Variants in TG observed in about 807,000 individuals in gnomAD.
TG encodes thyroid hormones.
A neutral mutation model predicts 324.7 loss-of-function variants in TG; 270 were observed. The ratio of observed to expected loss-of-function variants is 0.83; its 90% confidence interval spans 0.75 to 0.92. The LOEUF (loss-of-function observed/expected upper bound fraction) is 0.92. Among genes scored for constraint, TG ranks in the 40% least tolerant of loss-of-function variants. The pLI, the probability that TG is intolerant of heterozygous loss-of-function variation, is 0.00. For missense variants in TG, 3,591 were observed against 3,456.4 expected (o/e 1.04, Z -0.98); for synonymous variants, 1,401 against 1,327.0 (o/e 1.06, Z -1.21).
chr8:132,912,529 C>T (rs193154456), intron 19 of TG, among the ~76,000 whole-genome samples: 41 of 152,206 alleles, frequency 2.7e-4, no homozygotes, highest in Admixed American at 2.4e-3. Context: ...GGAGACCTCT[C>T]GGTGTTTAGC....
intron 45 of TG, among the ~76,000 whole-genome samples, chr8:133,130,979 C>A (rs1309503878): frequency 4.6e-5 from 7 of 152,172 alleles, no homozygotes; most frequent in Non-Finnish European, 8.8e-5. Flanking sequence ...CTGTCGCCAC[C>A]GCAGAGGGAG....
chr8:132,929,029 C>T, intron 22 of TG, 47 bp from the exon 23 acceptor site: 2 of 1,496,492 alleles, frequency 1.3e-6, no homozygotes, highest in Non-Finnish European at 9.3e-7. Context: ...TCTGCAGATG[C>T]CCTACACCCT....
rs1827123609 is a variant in TG at position 132,957,764 on chromosome 8, C to CACACACACACACACACACAG, written c.5402-3225_5402-3224insGACACACACACACACACACA. On this transcript the variant is annotated intron_variant, in intron 27 of 47. Transcript: ENST00000220616. ...AACTACACACACACACACACACACA[C>CACACACACACACACACACAG]ACACACACACACACACACACGTATG... Among the ~76,000 whole-genome samples the CACACACACACACACACACAG allele has an allele frequency of 2.2e-5, 3 of 135,294 alleles. No homozygotes were observed. In the South Asian group the frequency reaches 7.3e-4, roughly 33 times the overall value. The allele number at this position is 135,294 out of a possible 152,430, so 88.8% of individuals were successfully genotyped here.
intron 41 of TG, among the ~76,000 whole-genome samples, chr8:133,063,136 A>T (rs531302752): frequency 6.6e-6 from 1 of 151,820 alleles, no homozygotes; most frequent in Admixed American, 6.5e-5. Context: ...GTGTCCCCAG[A>T]CACAGCAAAC....
At chr8:132,942,691 C>T (rs1035572356) in intron 26 of TG, among the ~76,000 whole-genome samples, 5 of 152,134 alleles carry the variant, frequency 3.3e-5, no homozygotes, top group African/African-American at 7.2e-5. Flanking sequence ...GAGCACTACT[C>T]GGCATCAGGC....
chr8:132,910,597 C>G (rs1175840879), intron 18 of TG, among the ~76,000 whole-genome samples: 1 of 151,770 alleles, frequency 6.6e-6, no homozygotes, highest in Non-Finnish European at 1.5e-5. Context: ...AAAAGAGACC[C>G]AGAGAGATCC....
At chr8:132,889,076 A>G (rs1815852952) in intron 10 of TG, among the ~76,000 whole-genome samples, 1 of 152,210 alleles carries the variant, frequency 6.6e-6, no homozygotes, top group Non-Finnish European at 1.5e-5. Flanking sequence ...GGATTTAACT[A>G]AGGGACTGAT....
In TG at chr8:133,116,606, C is replaced by CCTATA; in HGVS notation, c.7755-3_7755-2insCTATA. On this transcript the variant is annotated splice_polypyrimidine_tract_variant and splice_region_variant and intron_variant, in intron 44 of 47. Coordinates refer to ENST00000220616, the MANE Select transcript of TG (RefSeq NM_003235.5). ...GACTCCCCCCATGTTCTCTTTTCACCAGGGACTACTTTATCATCTGCCCTA... is the reference window on the plus strand; with the variant it reads ...GACTCCCCCCATGTTCTCTTTTCACCCTATAAGGGACTACTTTATCATCTGCCCTA... 1 of 1,612,762 alleles carries CCTATA rather than the reference C, an allele frequency of 6.2e-7. No individual in the cohort carries two copies. Among genetic ancestry groups the CCTATA allele is most frequent in the South Asian group, 1.1e-5 (1 of 91,072 alleles).
intron 43 of TG, among the ~76,000 whole-genome samples, chr8:133,100,724 G>T (rs1849110526): frequency 6.6e-6 from 1 of 152,110 alleles, no homozygotes; most frequent in African/African-American, 2.4e-5. Context: ...ACCATCAACG[G>T]TATGCTGGGT....
chr8:132,918,806 G>A (rs2687813), intron 20 of TG, among the ~76,000 whole-genome samples: 62,168 of 151,830 alleles, frequency 0.41, 15,544 homozygotes, highest in Admixed American at 0.53. Context: ...TATCTGCACA[G>A]TGCATGGCAT....
intron 27 of TG, among the ~76,000 whole-genome samples, chr8:132,953,447 C>T (rs566483647): frequency 6.6e-6 from 1 of 152,308 alleles, no homozygotes; most frequent in East Asian, 1.9e-4. Context: ...CAGCAGGCCT[C>T]CTGTTTGCCC....
intron 27 of TG, among the ~76,000 whole-genome samples, chr8:132,957,766 C>CACACACACACACACACACAG (rs1554680118): frequency 0.065 from 9,452 of 145,440 alleles, 404 homozygotes; most frequent in South Asian, 0.12. Context: ...CACACACACA[C>CACACACACACACACACACAG]ACACACACAC....
rs775730395 is a variant in TG, at chr8:132,898,758, C to G, written c.3218-40C>G. On this transcript the variant is annotated intron_variant, in intron 13 of 47. Transcript: ENST00000220616. ...CTGGGATCCCCTCTTTCTCTTGGCT[C>G]CCACGACCAGTCCTTTACAAGCACC... 7.5e-6 allele frequency: 12 copies of G among 1,595,488 alleles called. No homozygotes were observed. In the South Asian group the frequency reaches 8.8e-5, roughly 12 times the overall value.
chr8:133,130,720 A>G (rs1851877313), intron 45 of TG, among the ~76,000 whole-genome samples: 1 of 152,204 alleles, frequency 6.6e-6, no homozygotes, highest in Non-Finnish European at 1.5e-5. Context: ...TGGATTTCTG[A>G]ACTCCAGACA....
chr8:133,066,881 G>C (rs941603111), intron 41 of TG, among the ~76,000 whole-genome samples: 1 of 152,078 alleles, frequency 6.6e-6, no homozygotes, highest in Non-Finnish European at 1.5e-5. Context: ...GGGCTGGGGG[G>C]TTGGCTAACT....
At chr8:132,969,394 T>A (rs1236272502) in intron 31 of TG, 64 bp from the exon 32 acceptor site, 1 of 1,122,722 alleles carries the variant, frequency 8.9e-7, no homozygotes, top group Non-Finnish European at 1.4e-6. Context: ...TACTCATTTG[T>A]CCTCATATTT....
chr8:132,973,988 C>CTTTT (rs869164425), intron 34 of TG, among the ~76,000 whole-genome samples: 4 of 113,014 alleles, frequency 3.5e-5, no homozygotes, highest in Non-Finnish European at 5.2e-5. Context: ...TTGACCATTC[C>CTTTT]TTTTTTTTTT....
At chr8:133,050,073 C>T (rs1587885074) in intron 41 of TG, 2 of 914,158 alleles carry the variant, frequency 2.2e-6, no homozygotes, top group Non-Finnish European at 1.8e-6. Context: ...CAGATTTAAC[C>T]CAGGACAGTT....
At chr8:132,869,544 A>G (rs934544042) in intron 2 of TG, among the ~76,000 whole-genome samples, 185 bp from the exon 3 acceptor site, 7 of 152,320 alleles carry the variant, frequency 4.6e-5, no homozygotes, top group Admixed American at 2.6e-4. Context: ...GGTGCTAGCC[A>G]GGCAGGAAAA....
Sources: allele counts gnomAD v4.1 joint callset (sites outside exome capture counted in the v4.1 genomes callset), GRCh38; gene constraint gnomAD v4.1.1; transcripts MANE v1.5; gene names NCBI Gene and HGNC (gene_info 2026-07-23, HGNC 2026-07-21).